Variants in PLXNA1 observed in about 807,000 individuals in gnomAD.
PLXNA1 encodes the protein plexin A1.
A neutral mutation model predicts 191.7 loss-of-function variants in PLXNA1; 77 were observed. The ratio of observed to expected loss-of-function variants is 0.40; its 90% CI spans 0.33 to 0.49. The LOEUF is 0.49. Among genes scored for constraint, PLXNA1 ranks in the 20% least tolerant of loss-of-function variants. The pLI, the probability that PLXNA1 is intolerant of heterozygous loss-of-function variation, is 0.63. For synonymous variants in PLXNA1, 1,137 were observed against 1,156.4 expected, an observed-to-expected ratio of 0.98 and a Z score of 0.34; for missense variants, 2,110 against 2,660.2, an observed-to-expected ratio of 0.79 and a Z score of 4.55.
intron 21 of PLXNA1, among the ~76,000 whole-genome samples, chr3:127,020,866 G>T (rs2079148919): frequency 6.6e-6 from 1 of 152,250 alleles, no homozygotes; most frequent in Non-Finnish European, 1.5e-5. Context: ...TGGGAGGGGA[G>T]CATGTGGCTG....
At chr3:127,031,955 C>A (rs1394669285) in intron 29 of PLXNA1, 1 of 190,356 alleles carries the variant, frequency 5.3e-6, no homozygotes. Flanking sequence ...TAATGGCAGT[C>A]CCTGAGGTGG....
At chr3:126,994,137 G>A (rs558482624) in intron 3 of PLXNA1, among the ~76,000 whole-genome samples, 1 of 152,246 alleles carries the variant, frequency 6.6e-6, no homozygotes, top group African/African-American at 2.4e-5. Flanking sequence ...TGGGGAAACT[G>A]AGTGCTCAAG....
In PLXNA1 at chr3:127,014,068, G is replaced by T; in HGVS notation, c.2362G>T (p.Val788Phe). 1 of 1,614,036 alleles carries T rather than the reference G, an allele frequency of 6.2e-7. No individual in the cohort carries two copies. The highest frequency in any genetic ancestry group is 2.2e-5 in the East Asian group (1 of 44,870). Residue 788 changes from valine (V) to phenylalanine (F), a missense_variant, in exon 11 of 32, where the codon GTC becomes TTC. Transcript: ENST00000393409. ...CAGCGACCTGCCAGTGAACCTGTCA[G>T]TCGTGTGGAACGGCAACTTTGTCAT... ...DVSDLPVNLSVVWNGNFVIDN... is the reference protein window; with the variant it reads ...DVSDLPVNLSFVWNGNFVIDN...
Position 127,031,281 on chromosome 3 carries a change from G to A in PLXNA1, c.5231+869G>A, listed in dbSNP as rs144890120. Among the ~76,000 whole-genome samples the A allele has an allele frequency of 1.2e-3, 178 of 152,328 alleles. 1 individual carries two copies. Among genetic ancestry groups the A allele is most frequent in the African/African-American group, 4.1e-3 (169 of 41,576 alleles). ...CCCCTGGAGCGGGTCCCTGCTGTGT[G>A]TGTGGCCCCCACCCCAGCAGACAAC... is the stretch of plus-strand genomic sequence containing the variant. On this transcript the variant is annotated intron_variant, in intron 29 of 31. Transcript: ENST00000393409.
chr3:127,006,301 G>A, intron 8 of PLXNA1, 123 bp downstream of exon 8: 1 of 749,592 alleles, frequency 1.3e-6, no homozygotes, highest in Non-Finnish European at 2.3e-6. Context: ...AGCAGATGGT[G>A]ATTCCATGAT....
intron 8 of PLXNA1, among the ~76,000 whole-genome samples, chr3:127,006,412 G>A (rs2079069352): frequency 6.6e-6 from 1 of 152,234 alleles, no homozygotes; most frequent in Non-Finnish European, 1.5e-5. Flanking sequence ...GAGTGCAGAG[G>A]GTGCCTGAGG....
rs1415218034 is a variant in PLXNA1, at chr3:126,989,195, T to C, written c.602T>C (p.Leu201Pro). 1.2e-6 allele frequency: 2 copies of C among 1,613,578 alleles called. No individual in the cohort carries two copies. Among genetic ancestry groups the C allele is most frequent in the Non-Finnish European group, 1.7e-6 (2 of 1,180,048 alleles). Residue 201 changes from leucine (L) to proline (P), a missense_variant, in exon 2 of 32, where the codon CTG becomes CCG. Transcript: ENST00000393409. ...IDGKSEYFPT[L>P]SSRRLMANEE... ...GGCAAGTCCGAGTACTTCCCCACAC[T>C]GTCCAGCCGTCGGCTCATGGCCAAC...
Position 127,020,282 on chromosome 3 carries a change from A to C in PLXNA1, c.3976A>C (p.Thr1326Pro). The C allele has an allele frequency of 6.2e-7, 1 of 1,613,188 alleles. No homozygotes were observed. Among genetic ancestry groups the C allele is most frequent in the Non-Finnish European group, 8.5e-7 (1 of 1,179,972 alleles). The change falls in exon 21 of 32, where the codon ACA (threonine) becomes CCA (proline). Residue 1326 changes from threonine (T) to proline (P), a missense_variant. Around this residue, in one of 4 missense-constraint regions of PLXNA1, gnomAD observed 559 missense variants for 911.5 expected, o/e 0.61. Coordinates refer to ENST00000393409, the MANE Select transcript of PLXNA1 (RefSeq NM_032242.4). ...CGGCATCCCCTTCCTTGACTACCGG[A>C]CATATGCCATGCGGGTGCTCTTTCC... ...GAGIPFLDYR[T>P]YAMRVLFPGI...
chr3:126,996,998 T>C (rs1290240518), intron 3 of PLXNA1, among the ~76,000 whole-genome samples: 1 of 152,206 alleles, frequency 6.6e-6, no homozygotes, highest in Non-Finnish European at 1.5e-5. Context: ...CTCCTGGTCC[T>C]TCCCTTCCCA....
chr3:127,029,345 C>T, intron 26 of PLXNA1, 95 bp from the exon 27 acceptor site: 1 of 1,180,812 alleles, frequency 8.5e-7, no homozygotes, highest in Non-Finnish European at 1.3e-6. Flanking sequence ...AGGCACAGCA[C>T]TAGGGTGTCA....
At position 127,026,506 on chromosome 3, in the gene PLXNA1, A is replaced by G. The variant is rs191228162; in HGVS notation, c.4363-1434A>G. On this transcript the variant is annotated intron_variant, in intron 23 of 31. Transcript: ENST00000393409. ...CCTCGGACAGGTGTCTGACTTTGGG[A>G]AACCCTCAAAGGCTTCCTGTCACAT... 8.5e-4 allele frequency: 129 copies of G among 152,338 alleles called. 2 individuals are homozygous for G. The highest frequency in any genetic ancestry group is 8.4e-3 in the Admixed American group (128 of 15,292). The allele number at this position is 152,338 out of a possible 1,614,324, so 9.4% of individuals were successfully genotyped here. A position where few individuals can be genotyped will look rare whatever the true frequency, so the allele number is the denominator to read the frequency against.
Position 127,030,248 on chromosome 3 carries a change from A to G in PLXNA1, c.5067A>G (p.Thr1689=), listed in dbSNP as rs767935128. Residue 1689 remains threonine, a synonymous_variant, in exon 29 of 32, where the codon ACA becomes ACG. Coordinates refer to ENST00000393409, the MANE Select transcript of PLXNA1 (RefSeq NM_032242.4). ...YLTRLLATKG[T]LQKFVDDLFE... is the part of the protein sequence containing the mutation. ...TCCCTGCCTGCCCCCCGCAGGGCAC[A>G]CTGCAGAAGTTTGTGGACGACCTGT... 10 of 1,613,288 alleles carry G rather than the reference A, an allele frequency of 6.2e-6. No homozygotes were observed. The highest frequency in any genetic ancestry group is 3.3e-5 in the Admixed American group (2 of 59,992).
In PLXNA1 at chr3:127,012,088, T is replaced by A. The variant is rs1234304450; in HGVS notation, c.2243T>A (p.Ile748Asn). The A allele has an allele frequency of 1.2e-6, 2 of 1,613,446 alleles. No homozygotes were observed. The highest frequency in any genetic ancestry group is 1.7e-4 in the Middle Eastern group (1 of 6,010). ...CGTGGATATGAGTGCCTCTTCCACATCCCGGGCAGCCCGGCCCGTGTCACC... is the reference window on the plus strand; with the variant it reads ...CGTGGATATGAGTGCCTCTTCCACAACCCGGGCAGCCCGGCCCGTGTCACC... Reference protein sequence around the residue: ...GQRGYECLFHIPGSPARVTAL... With the variant: ...GQRGYECLFHNPGSPARVTAL... The change falls in exon 10 of 32, where the codon ATC (isoleucine) becomes AAC (asparagine). Residue 748 changes from isoleucine (I) to asparagine (N), a missense_variant. Physicochemically the swap from Ile to Asn is moderately radical, Grantham distance 149 (BLOSUM62 -3). Transcript: ENST00000393409.
At position 127,027,699 on chromosome 3, in the gene PLXNA1, CAT is replaced by C. The variant is rs750503153; in HGVS notation, c.4363-240_4363-239del. The C allele has an allele frequency of 1.1e-4, 74 of 676,968 alleles. 1 individual carries two copies. Among genetic ancestry groups the C allele is most frequent in the East Asian group, 9.1e-4 (31 of 34,186 alleles). The allele number at this position is 676,968 out of a possible 1,614,324, so 41.9% of individuals were successfully genotyped here. ...CGATACACTACTGCGCCTCCTGGCT[CAT>C]GTGTAATTTAGGGTTTTCATGTGAT... On this transcript the variant is annotated intron_variant, in intron 23 of 31. Transcript: ENST00000393409.
rs760987780 is a variant in PLXNA1, at chr3:126,988,642, TTGC to T, written c.62_64del (p.Leu21del). On this transcript the variant is annotated inframe_deletion, in exon 2 of 32. Transcript: ENST00000393409. ...GCAGGTGCTCCTGCTGCTGCTGCTG[TTGC>T]TGCTGCTGCTGCCGGGCATGTGGGC... The T allele has an allele frequency of 3.2e-5, 50 of 1,575,500 alleles. No homozygotes were observed. Among genetic ancestry groups the T allele is most frequent in the Admixed American group, 1.1e-4 (6 of 56,242 alleles).
chr3:127,024,569 TGGG>T (rs764367598), intron 23 of PLXNA1, among the ~76,000 whole-genome samples: 1 of 152,042 alleles, frequency 6.6e-6, no homozygotes, highest in African/African-American at 2.4e-5. Flanking sequence ...GGCTGTGTGT[TGGG>T]GGCTTCACAG....
intron 22 of PLXNA1, among the ~76,000 whole-genome samples, 194 bp from the exon 23 acceptor site, chr3:127,022,558 G>A (rs1181934992): frequency 2.6e-5 from 4 of 151,900 alleles, no homozygotes; most frequent in East Asian, 3.9e-4. Flanking sequence ...GGCTCTGGGC[G>A]AAGGACTGGG....
At chr3:127,018,170 G>A (rs2079134472) in intron 19 of PLXNA1, 124 bp from the exon 20 acceptor site, 2 of 972,424 alleles carry the variant, frequency 2.1e-6, no homozygotes, top group South Asian at 3.2e-5. Flanking sequence ...TGACCACTCT[G>A]TGCCCCTGTC....
Position 126,988,824 on chromosome 3 carries a change from C to G in PLXNA1, c.231C>G (p.Asn77Lys), listed in dbSNP as rs749105753. Reference protein sequence around the residue: ...AVNRIYKLSGNLTLLRAHVTG... With the variant: ...AVNRIYKLSGKLTLLRAHVTG... ...ACCGCATCTATAAGCTGTCGGGGAA[C>G]CTGACACTGCTGCGGGCCCACGTCA... The change falls in exon 2 of 32, where the codon AAC becomes AAG. Residue 77 changes from asparagine (N) to lysine (K), a missense_variant. Physicochemically the swap from Asn to Lys is moderately conservative, Grantham distance 94. Coordinates refer to ENST00000393409, the MANE Select transcript of PLXNA1 (RefSeq NM_032242.4). The G allele has an allele frequency of 3.7e-6, 6 of 1,613,384 alleles. No homozygotes were observed. In the South Asian group the frequency reaches 6.6e-5, roughly 18 times the overall value.
Sources: gnomAD v4.1 joint callset for allele counts (sites outside exome capture counted in the v4.1 genomes callset) on GRCh38, gnomAD v4.1.1 for gene constraint, gnomAD v4.1.1 regional missense constraint, MANE v1.5 for transcripts, NCBI Gene and HGNC (gene_info 2026-07-23, HGNC 2026-07-21) for gene names.